RAB3GAP1: variants seen among roughly 807,000 people sequenced by gnomAD.
The protein encoded by RAB3GAP1 is rab3 GTPase-activating protein catalytic subunit.
Under a neutral mutation model 130.7 loss-of-function variants are expected in RAB3GAP1, and 86 were observed. The ratio of observed to expected loss-of-function variants is 0.66; its 90% confidence interval spans 0.55 to 0.79. The LOEUF is 0.79. RAB3GAP1 is among the 30% of genes least tolerant of loss of function. The pLI, the probability that RAB3GAP1 is intolerant of heterozygous loss-of-function variation, is 0.00. For synonymous variants in RAB3GAP1, 367 were observed against 401.7 expected (o/e 0.91, Z 1.03); for missense variants, 1,029 against 1,169.4 (o/e 0.88, Z 1.75).
intron 3 of RAB3GAP1, among the ~76,000 whole-genome samples, chr2:135,069,778 A>G (rs969051494): frequency 1.3e-5 from 2 of 152,128 alleles, no homozygotes; most frequent in African/African-American, 4.8e-5. Flanking sequence ...TATTAAAACA[A>G]CCTTCTACCC....
At chr2:135,132,334 CGTACAT>C (rs1691571993) in intron 13 of RAB3GAP1, among the ~76,000 whole-genome samples, 1 of 151,944 alleles carries the variant, frequency 6.6e-6, no homozygotes, top group African/African-American at 2.4e-5. Flanking sequence ...TTTGACCACT[CGTACAT>C]GTACATATAA....
At chr2:135,137,521 TAAAA>T (rs1691708223) in intron 17 of RAB3GAP1, among the ~76,000 whole-genome samples, 1 of 152,212 alleles carries the variant, frequency 6.6e-6, no homozygotes, top group Admixed American at 6.5e-5. Context: ...TCAGTTTCAT[TAAAA>T]AGGGCTAACT....
chr2:135,165,128 G>A (rs761103924), intron 23 of RAB3GAP1: 8 of 455,692 alleles, frequency 1.8e-5, no homozygotes, highest in South Asian at 1.2e-4. Flanking sequence ...TTCTTGTAAT[G>A]GTGAGGAGAT....
At chr2:135,162,399 G>A (rs1692487710) in intron 19 of RAB3GAP1, 156 bp from the exon 20 acceptor site, 2 of 698,392 alleles carry the variant, frequency 2.9e-6, no homozygotes, top group Admixed American at 4.0e-5. Context: ...GGTGCTTTCA[G>A]TAACATTATC....
At chr2:135,162,325 G>T in intron 19 of RAB3GAP1, 1 of 502,630 alleles carries the variant, frequency 2.0e-6, no homozygotes, top group Non-Finnish European at 3.5e-6. Flanking sequence ...CCTTATTTGT[G>T]TGTATTACAT....
chr2:135,124,873 A>G (rs1437865400), intron 9 of RAB3GAP1, among the ~76,000 whole-genome samples: 1 of 152,206 alleles, frequency 6.6e-6, no homozygotes, highest in Non-Finnish European at 1.5e-5. Context: ...GAGACTGTGC[A>G]TGGTTCACAA....
At chr2:135,114,701 T>C (rs1378952294) in intron 6 of RAB3GAP1, among the ~76,000 whole-genome samples, 2 of 152,258 alleles carry the variant, frequency 1.3e-5, no homozygotes, top group Non-Finnish European at 2.9e-5. Flanking sequence ...ATTGAACTTG[T>C]AGCCAAAAGC....
chr2:135,117,545 T>TGC (rs1691027975), intron 7 of RAB3GAP1, among the ~76,000 whole-genome samples: 1 of 115,542 alleles, frequency 8.7e-6, no homozygotes, highest in African/African-American at 3.3e-5. Flanking sequence ...CTTCTTCTGC[T>TGC]TCTTCTTCTT....
At chr2:135,102,460 C>T (rs1690473726) in intron 5 of RAB3GAP1, among the ~76,000 whole-genome samples, 1 of 152,158 alleles carries the variant, frequency 6.6e-6, no homozygotes, top group Non-Finnish European at 1.5e-5. Flanking sequence ...TAATTTATTA[C>T]AGCAGCAATA....
intron 24 of RAB3GAP1, among the ~76,000 whole-genome samples, chr2:135,175,898 T>C (rs1377476333): frequency 6.6e-6 from 1 of 152,194 alleles, no homozygotes; most frequent in African/African-American, 2.4e-5. Flanking sequence ...TGAACCTTTA[T>C]TGAAAAAGAA....
chr2:135,173,278 C>A (rs769409229), downstream of RAB3GAP1, among the ~76,000 whole-genome samples: 6 of 151,706 alleles, frequency 4.0e-5, no homozygotes, highest in Non-Finnish European at 8.8e-5. Flanking sequence ...GTACTTAAGC[C>A]ATGGACAGTA....
At chr2:135,101,026 A>C (rs901339081) in intron 5 of RAB3GAP1, among the ~76,000 whole-genome samples, 1 of 152,206 alleles carries the variant, frequency 6.6e-6, no homozygotes, top group Admixed American at 6.5e-5. Flanking sequence ...AGTAGAGGTG[A>C]TGATGTTTAA....
rs1281223172 is a variant in RAB3GAP1, at chr2:135,124,208, T to A, written c.792T>A (p.Phe264Leu). ...LVGGEVGGLE[F>L]GKLPFGACED... is the part of the protein sequence containing the mutation. ...GAGGAGAAGTTGGAGGCTTGGAGTT[T>A]GGCAAGTTACCATTTGGTGCCTGCG... Residue 264 changes from phenylalanine to leucine, a missense_variant, in exon 9 of 24, where the codon TTT becomes TTA. Phe to Leu is a conservative substitution (Grantham distance 22). Transcript: ENST00000264158. The A allele has an allele frequency of 6.2e-7, 1 of 1,614,108 alleles. No homozygotes were observed. Among genetic ancestry groups the A allele is most frequent in the Non-Finnish European group, 8.5e-7 (1 of 1,180,030 alleles).
intron 5 of RAB3GAP1, among the ~76,000 whole-genome samples, chr2:135,112,851 C>A (rs1690852891): frequency 6.6e-6 from 1 of 151,992 alleles, no homozygotes; most frequent in Non-Finnish European, 1.5e-5. Flanking sequence ...CACACACACA[C>A]ACACACACAC....
At chr2:135,105,921 GC>G (rs1196981861) in intron 5 of RAB3GAP1, among the ~76,000 whole-genome samples, 4 of 151,252 alleles carry the variant, frequency 2.6e-5, no homozygotes, top group Non-Finnish European at 5.9e-5. Flanking sequence ...CTGCCCGGCC[GC>G]CCCGTCTGAG....
intron 15 of RAB3GAP1, 73 bp from the exon 16 acceptor site, chr2:135,135,192 G>A (rs1691644220): frequency 8.5e-7 from 1 of 1,176,304 alleles, no homozygotes; most frequent in South Asian, 1.2e-5. Context: ...AATTATGGTA[G>A]TATAGAAAAT....
chr2:135,072,628 A>G (rs1006929671), intron 3 of RAB3GAP1, among the ~76,000 whole-genome samples: 6 of 152,184 alleles, frequency 3.9e-5, no homozygotes, highest in African/African-American at 1.2e-4. Flanking sequence ...TAGACCATCT[A>G]TTATATGCTT....
chr2:135,117,415 C>T (rs1691004277), intron 7 of RAB3GAP1, among the ~76,000 whole-genome samples: 1 of 134,340 alleles, frequency 7.4e-6, no homozygotes, highest in Non-Finnish European at 1.5e-5. Context: ...TTTATTTCTT[C>T]TTCTTCTTCT....
At chr2:135,120,792 G>A (rs376385726) in intron 7 of RAB3GAP1, 27 bp from the exon 8 acceptor site, 356 of 1,457,438 alleles carry the variant, frequency 2.4e-4, no homozygotes, top group Non-Finnish European at 3.2e-4. Context: ...GCATTTACAC[G>A]GTATTGTCTT....
Sources: gnomAD v4.1 joint callset for allele counts (sites outside exome capture counted in the v4.1 genomes callset) on GRCh38, gnomAD v4.1.1 for gene constraint, MANE v1.5 for transcripts, NCBI Gene and HGNC (gene_info 2026-07-23, HGNC 2026-07-21) for gene names.